TYW1: variants seen among roughly 807,000 people sequenced by gnomAD.
The protein encoded by TYW1 is tRNA-yW synthesizing protein 1 homolog, also known as S-adenosyl-L-methionine-dependent tRNA 4-demethylwyosine synthase TYW1.
Under a neutral mutation model 96.2 loss-of-function variants are expected in TYW1, and 46 were observed. The ratio of observed to expected loss-of-function variants is 0.48; its 90% CI spans 0.38 to 0.61. TYW1 has a LOEUF of 0.61. TYW1 is among the 20% of genes least tolerant of loss of function. The pLI is 0.00. For missense variants in TYW1, 684 were observed against 909.6 expected, an observed-to-expected ratio of 0.75 and a Z score of 3.19; for synonymous variants, 274 against 323.0, an observed-to-expected ratio of 0.85 and a Z score of 1.63.
intron 12 of TYW1, among the ~76,000 whole-genome samples, chr7:67,100,650 TC>T (rs1487886022): frequency 5.1e-4 from 78 of 151,804 alleles, no homozygotes; most frequent in Non-Finnish European, 1.0e-3. Flanking sequence ...ATTGAGACCA[TC>T]CTGGCTAACA....
rs758318244 is a variant in TYW1, at chr7:67,210,046, T to C, written c.1977+14709T>C. The stretch of plus-strand genomic sequence containing the variant: ...CCAATATTGATTTGTGATTGTTAAC[T>C]GAAGTCCACAGTTTATTTAGATTTC... On this transcript the variant is annotated intron_variant, in intron 15 of 15. Transcript: ENST00000359626. Among the ~76,000 whole-genome samples the C allele has an allele frequency of 1.4e-4, 22 of 152,366 alleles. No homozygotes were observed. The Middle Eastern group carries it at 0.01, about 71-fold the overall frequency.
At chr7:67,089,043 T>C (rs900457939) in intron 11 of TYW1, among the ~76,000 whole-genome samples, 2 of 152,262 alleles carry the variant, frequency 1.3e-5, no homozygotes, top group Admixed American at 6.5e-5. Flanking sequence ...GGCCTCTTTT[T>C]GGAGGTCCAC....
At chr7:67,005,421 C>A (rs1474355670) in intron 3 of TYW1, among the ~76,000 whole-genome samples, 3 of 152,174 alleles carry the variant, frequency 2.0e-5, no homozygotes, top group Non-Finnish European at 4.4e-5. Flanking sequence ...CATGGCAAAA[C>A]TCTATCTCTA....
rs574343490 is a variant in TYW1, at chr7:67,205,445, T to G, written c.1977+10108T>G. Among the ~76,000 whole-genome samples the G allele has an allele frequency of 7.7e-3, 1,151 of 150,204 alleles. 9 individuals carry two copies. The highest frequency in any genetic ancestry group is 0.014 in the Middle Eastern group (4 of 292). Reference sequence around the variant, plus strand: ...AGAAGTCCTGGTTCTCCACTAAGCTTCTTCTGACACCACTCAAGTGTATGG... The same window carrying G: ...AGAAGTCCTGGTTCTCCACTAAGCTGCTTCTGACACCACTCAAGTGTATGG... On this transcript the variant is annotated intron_variant, in intron 15 of 15. Transcript: ENST00000359626.
chr7:67,109,926 A>T (rs1797350925), intron 12 of TYW1, among the ~76,000 whole-genome samples: 1 of 152,134 alleles, frequency 6.6e-6, no homozygotes, highest in South Asian at 2.1e-4. Context: ...CACAGTGAAA[A>T]CCAGCAGCCC....
intron 11 of TYW1, among the ~76,000 whole-genome samples, chr7:67,089,957 A>G (rs543585641): frequency 4.6e-4 from 70 of 152,170 alleles, no homozygotes; most frequent in African/African-American, 1.3e-3. Context: ...CTTTAGCTCA[A>G]TTTTCCACCC....
intron 13 of TYW1, among the ~76,000 whole-genome samples, chr7:67,127,303 C>T (rs10274443): frequency 2.0e-5 from 3 of 151,624 alleles, no homozygotes; most frequent in East Asian, 3.9e-4. Context: ...GGATTACAGG[C>T]GCTCACCATT....
chr7:67,189,915 C>G lies in TYW1; in HGVS notation c.1810-5255C>G, dbSNP rs376015190. Among the ~76,000 whole-genome samples the G allele has an allele frequency of 4.6e-5, 7 of 151,660 alleles. No homozygotes were observed. In the East Asian group the frequency reaches 1.2e-3, roughly 25 times the overall value. On this transcript the variant is annotated intron_variant, in intron 14 of 15. Coordinates refer to ENST00000359626, the MANE Select transcript of TYW1 (RefSeq NM_018264.4). ...TTGCTAGCCTGAGAATCTTCCTTGT[C>G]ATTATTTGCTTGCTTGCTTGTGAAA...
chr7:67,091,544 C>G (rs1796722110), intron 11 of TYW1, among the ~76,000 whole-genome samples: 1 of 151,964 alleles, frequency 6.6e-6, no homozygotes, highest in Non-Finnish European at 1.5e-5. Flanking sequence ...TCACATGTAC[C>G]CTAGAACTTA....
At chr7:67,190,725 G>A (rs1344643802) in intron 14 of TYW1, among the ~76,000 whole-genome samples, 1 of 152,196 alleles carries the variant, frequency 6.6e-6, no homozygotes, top group Non-Finnish European at 1.5e-5. Flanking sequence ...GGTTTAAAGA[G>A]TTATTGAAGC....
intron 12 of TYW1, among the ~76,000 whole-genome samples, chr7:67,109,442 TG>T (rs66920242): frequency 0.29 from 44,493 of 151,694 alleles, 7,254 homozygotes; most frequent in African/African-American, 0.44. Flanking sequence ...CACAAGCGAC[TG>T]TTTTTTACCT....
At chr7:67,130,461 C>G (rs552860876) in intron 13 of TYW1, among the ~76,000 whole-genome samples, 2 of 151,814 alleles carry the variant, frequency 1.3e-5, no homozygotes, top group African/African-American at 4.8e-5. Flanking sequence ...ATCACGAGTT[C>G]AGGAGGTCGA....
At chr7:67,029,341 G>A (rs1326007600) in intron 7 of TYW1, among the ~76,000 whole-genome samples, 1 of 142,534 alleles carries the variant, frequency 7.0e-6, no homozygotes, top group Admixed American at 7.3e-5. Flanking sequence ...TTAAAAAAAT[G>A]TGCATTTATA....
chr7:67,193,295 C>G (rs1800279257), intron 14 of TYW1, among the ~76,000 whole-genome samples: 1 of 152,160 alleles, frequency 6.6e-6, no homozygotes, highest in Non-Finnish European at 1.5e-5. Context: ...TGTAATTAAG[C>G]TGGGTGGCTG....
chr7:67,216,032 A>G (rs146510399), intron 15 of TYW1, among the ~76,000 whole-genome samples: 278 of 152,142 alleles, frequency 1.8e-3, no homozygotes, highest in Non-Finnish European at 2.9e-3. Context: ...TTGACACTCA[A>G]TATTAACCAT....
At chr7:67,193,852 TTGTGTGTGTG>T (rs34815766) in intron 14 of TYW1, among the ~76,000 whole-genome samples, 1 of 148,816 alleles carries the variant, frequency 6.7e-6, no homozygotes, top group African/African-American at 2.5e-5. Context: ...TTGTGTGTGT[TTGTGTGTGTG>T]TGTGTGTGTG....
intron 4 of TYW1, among the ~76,000 whole-genome samples, chr7:67,012,725 T>A (rs1259497350): frequency 6.6e-6 from 1 of 152,152 alleles, no homozygotes; most frequent in Non-Finnish European, 1.5e-5. Flanking sequence ...CCTCCTGTAA[T>A]GGGTCAAGGT....
Position 67,164,376 on chromosome 7 carries a change from G to A in TYW1, c.1699-18750G>A, listed in dbSNP as rs535709667. 8.5e-5 allele frequency among the ~76,000 whole-genome samples: 13 copies of A among 152,138 alleles called. No homozygotes were observed. The South Asian group carries it at 2.7e-3, about 32-fold the overall frequency. On this transcript the variant is annotated intron_variant, in intron 13 of 15. Coordinates refer to ENST00000359626, the MANE Select transcript of TYW1 (RefSeq NM_018264.4). ...TGTAATCCCAGCATTTTGGGAGGCC[G>A]AGGTGGGTGGATCACTTGAGGTCAG...
intron 15 of TYW1, among the ~76,000 whole-genome samples, chr7:67,223,157 A>G (rs1277770494): frequency 6.6e-6 from 1 of 152,064 alleles, no homozygotes; most frequent in Non-Finnish European, 1.5e-5. Context: ...TTTCTAGTGG[A>G]TCTGCCATCT....
Sources: allele counts gnomAD v4.1 joint callset (sites outside exome capture counted in the v4.1 genomes callset), GRCh38; gene constraint gnomAD v4.1.1; transcripts MANE v1.5; gene names NCBI Gene and HGNC (gene_info 2026-07-23, HGNC 2026-07-21).